The following NHSL1 variants were observed in gnomAD, a reference collection of about 807,000 sequenced individuals.
NHSL1 encodes the protein NHS like 1.
In NHSL1, 48 loss-of-function variants were observed where a neutral mutation model predicts 95.0. The ratio of observed to expected loss-of-function variants is 0.51; its 90% CI spans 0.40 to 0.64. The LOEUF is 0.64. Among genes scored for constraint, NHSL1 ranks in the 30% least tolerant of loss-of-function variants. The pLI, the probability that NHSL1 is intolerant of heterozygous loss-of-function variation, is 0.00. For missense variants in NHSL1, 1,971 were observed against 2,077.7 expected, an observed-to-expected ratio of 0.95 and a Z score of 1.00; for synonymous variants, 783 against 833.9, an observed-to-expected ratio of 0.94 and a Z score of 1.05.
intron 1 of NHSL1, among the ~76,000 whole-genome samples, chr6:138,599,511 C>CA (rs200759054): frequency 2.2e-4 from 33 of 149,418 alleles, no homozygotes; most frequent in South Asian, 8.5e-4. Context: ...GTCTCCGTCT[C>CA]AAAAAAAAAC....
At chr6:138,671,511 A>C (rs898312384) in intron 1 of NHSL1, among the ~76,000 whole-genome samples, 1 of 151,986 alleles carries the variant, frequency 6.6e-6, no homozygotes, top group Non-Finnish European at 1.5e-5. Flanking sequence ...AAACCAAGAA[A>C]GTGATTAGGG....
chr6:138,435,738 GT>G (rs959633580), intron 5 of NHSL1, among the ~76,000 whole-genome samples: 33 of 138,118 alleles, frequency 2.4e-4, no homozygotes, highest in Admixed American at 2.9e-4. Context: ...TTTTGTTTTT[GT>G]TTTTTTTTTT....
intron 1 of NHSL1, among the ~76,000 whole-genome samples, chr6:138,680,197 G>C (rs1332849048): frequency 6.6e-6 from 1 of 152,102 alleles, no homozygotes; most frequent in African/African-American, 2.4e-5. Context: ...GCTCTTTTTA[G>C]TCATTTCTGT....
chr6:138,501,748 C>T (rs762830633), upstream of NHSL1, among the ~76,000 whole-genome samples: 45 of 152,148 alleles, frequency 3.0e-4, no homozygotes, highest in Admixed American at 5.9e-4. Flanking sequence ...TGTATCCATT[C>T]CAGGATGCCC....
intron 4 of NHSL1, among the ~76,000 whole-genome samples, chr6:138,446,417 T>C (rs1475125945): frequency 6.6e-6 from 1 of 152,176 alleles, no homozygotes; most frequent in Non-Finnish European, 1.5e-5. Context: ...ACCTTAATTG[T>C]CACAAATGAT....
chr6:138,542,812 A>G (rs1782634879), intron 1 of NHSL1, among the ~76,000 whole-genome samples: 1 of 152,198 alleles, frequency 6.6e-6, no homozygotes. Context: ...TGCCCAGGCT[A>G]GAGTGCAGGG....
At chr6:138,659,914 C>T (rs1395209670) in intron 1 of NHSL1, among the ~76,000 whole-genome samples, 1 of 152,122 alleles carries the variant, frequency 6.6e-6, no homozygotes, top group Non-Finnish European at 1.5e-5. Context: ...TGGGGTTTCA[C>T]CCTGTTGGCC....
chr6:138,579,067 G>T (rs760390643), intron 1 of NHSL1, among the ~76,000 whole-genome samples: 3 of 152,164 alleles, frequency 2.0e-5, no homozygotes, highest in Non-Finnish European at 4.4e-5. Context: ...CTAGATCCCT[G>T]GCATGCATGG....
intron 1 of NHSL1, among the ~76,000 whole-genome samples, chr6:138,588,376 C>A (rs1784172694): frequency 6.6e-6 from 1 of 152,158 alleles, no homozygotes; most frequent in East Asian, 1.9e-4. Context: ...GCAAGAGAAT[C>A]GCTTGAACCC....
intron 3 of NHSL1, among the ~76,000 whole-genome samples, chr6:138,459,910 T>C (rs1019516455): frequency 6.6e-6 from 1 of 152,128 alleles, no homozygotes; most frequent in African/African-American, 2.4e-5. Context: ...TAAACCCAGG[T>C]TGATTTTGGA....
intron 1 of NHSL1, among the ~76,000 whole-genome samples, chr6:138,656,625 G>T (rs1785160586): frequency 6.6e-6 from 1 of 152,208 alleles, no homozygotes; most frequent in African/African-American, 2.4e-5. Flanking sequence ...GATTACTGCA[G>T]CTGATAAACA....
At chr6:138,557,532 A>G (rs1349574730) in intron 1 of NHSL1, among the ~76,000 whole-genome samples, 1 of 152,260 alleles carries the variant, frequency 6.6e-6, no homozygotes, top group African/African-American at 2.4e-5. Flanking sequence ...CAAAACAGTC[A>G]CTGGAAGTTA....
chr6:138,616,841 T>C (rs959079783), intron 1 of NHSL1, among the ~76,000 whole-genome samples: 2 of 152,128 alleles, frequency 1.3e-5, no homozygotes, highest in Admixed American at 6.5e-5. Context: ...AGAAACACAA[T>C]GGACTCAAGT....
chr6:138,651,978 C>T (rs1785098773), intron 1 of NHSL1, among the ~76,000 whole-genome samples: 1 of 152,046 alleles, frequency 6.6e-6, no homozygotes, highest in African/African-American at 2.4e-5. Flanking sequence ...TTCTTATTAA[C>T]AATATAGACC....
intron 1 of NHSL1, among the ~76,000 whole-genome samples, chr6:138,632,342 C>T (rs548992817): frequency 6.6e-6 from 1 of 152,302 alleles, no homozygotes; most frequent in South Asian, 2.1e-4. Flanking sequence ...TTGCCACCTA[C>T]TGATTGTAGA....
chr6:138,504,184 A>G (rs145048862), upstream of NHSL1, among the ~76,000 whole-genome samples: 105 of 152,298 alleles, frequency 6.9e-4, no homozygotes, highest in African/African-American at 2.4e-3. Flanking sequence ...GCAGTGAGCT[A>G]TGATCATACC....
intron 1 of NHSL1, among the ~76,000 whole-genome samples, chr6:138,522,270 G>A (rs1781715283): frequency 6.6e-6 from 1 of 152,164 alleles, no homozygotes; most frequent in African/African-American, 2.4e-5. Flanking sequence ...CTTCAAAAAT[G>A]GAAATCCATC....
intron 1 of NHSL1, among the ~76,000 whole-genome samples, chr6:138,535,210 G>GA (rs955727763): frequency 6.6e-6 from 1 of 152,032 alleles, no homozygotes; most frequent in Non-Finnish European, 1.5e-5. Flanking sequence ...AGATAATGGG[G>GA]AAAAAAATTA....
chr6:138,570,250 C>G (rs1228031659), intron 1 of NHSL1, among the ~76,000 whole-genome samples: 1 of 152,206 alleles, frequency 6.6e-6, no homozygotes, highest in Non-Finnish European at 1.5e-5. Flanking sequence ...TACAAAGCAA[C>G]CTTTGGCAAA....
Sources: gnomAD v4.1 joint callset for allele counts (sites outside exome capture counted in the v4.1 genomes callset) on GRCh38, gnomAD v4.1.1 for gene constraint, MANE v1.5 for transcripts, NCBI Gene and HGNC (gene_info 2026-07-23, HGNC 2026-07-21) for gene names.